Variants in PPP1R2 observed in about 807,000 individuals in gnomAD.
PPP1R2 encodes protein phosphatase inhibitor 2.
PPP1R2 carries 16 observed loss-of-function variants against 29.9 expected under a neutral mutation model. That is an observed-to-expected ratio of 0.53 (90% CI 0.36 to 0.81). The LOEUF is 0.81. PPP1R2 is among the 30% of genes least tolerant of loss of function. The probability of loss-of-function intolerance (pLI) is 0.00; values close to 1 mark genes in which losing one functional copy is unlikely to be tolerated. For missense variants in PPP1R2, 197 were observed against 252.7 expected (o/e 0.78, Z 1.49); for synonymous variants, 76 against 91.5 (o/e 0.83, Z 0.96).
chr3:195,523,836 T>C (rs1718861012), intron 3 of PPP1R2, 50 bp from the exon 4 acceptor site: 2 of 1,443,960 alleles, frequency 1.4e-6, no homozygotes, highest in South Asian at 1.2e-5. Context: ...TTTGATATTA[T>C]TTAAGCGCCT....
At chr3:195,542,234 C>T (rs1719624378) in intron 1 of PPP1R2, among the ~76,000 whole-genome samples, 1 of 152,130 alleles carries the variant, frequency 6.6e-6, no homozygotes, top group Non-Finnish European at 1.5e-5. Context: ...AATGGACTTC[C>T]GGTCGTTTCC....
chr3:195,532,508 C>T (rs1424310810), intron 1 of PPP1R2, among the ~76,000 whole-genome samples: 2 of 152,208 alleles, frequency 1.3e-5, no homozygotes, highest in African/African-American at 4.8e-5. Context: ...GATGCCTAGG[C>T]TTCTGCCTGT....
rs1163639477 is a variant in PPP1R2, at chr3:195,515,718, G to A, written c.*1178C>T. 1 of 151,914 alleles carries A rather than the reference G, an allele frequency of 6.6e-6. No individual in the cohort carries two copies. The highest frequency in any genetic ancestry group is 1.5e-5 in the Non-Finnish European group (1 of 67,956). The allele number at this position is 151,914 out of a possible 1,614,324, so 9.4% of individuals were successfully genotyped here. ...ACATTCAGGAATAATCATATCACTGGTTACATACAATTCTCATGCAAAGAA... is the reference window on the plus strand; with the variant it reads ...ACATTCAGGAATAATCATATCACTGATTACATACAATTCTCATGCAAAGAA... On this transcript the variant is annotated 3_prime_UTR_variant, in exon 6 of 6. Coordinates refer to ENST00000618156, the MANE Select transcript of PPP1R2 (RefSeq NM_006241.8).
At position 195,543,237 on chromosome 3, in the gene PPP1R2, G is replaced by C. The variant is rs1269238011; in HGVS notation, c.-212C>G. On this transcript the variant is annotated 5_prime_UTR_variant, in exon 1 of 6. Transcript: ENST00000618156. ...AACGCCGAACGGGTGGCGGCTACTC[G>C]CGCACCCTTAGCCACTGGCACTTGA... is the stretch of plus-strand genomic sequence containing the variant. The C allele has an allele frequency of 3.3e-5, 20 of 606,308 alleles. No homozygotes were observed. The highest frequency in any genetic ancestry group is 1.1e-4 in the Admixed American group (3 of 27,496). The allele number at this position is 606,308 out of a possible 1,614,324, so 37.6% of individuals were successfully genotyped here.
At chr3:195,518,615 C>T (rs1384692842) in intron 5 of PPP1R2, among the ~76,000 whole-genome samples, 2 of 150,616 alleles carry the variant, frequency 1.3e-5, no homozygotes, top group Admixed American at 1.3e-4. Flanking sequence ...CACGCCACTG[C>T]ACTCCAGCCT....
intron 4 of PPP1R2, among the ~76,000 whole-genome samples, chr3:195,522,936 T>A (rs1718821563): frequency 6.6e-6 from 1 of 152,210 alleles, no homozygotes; most frequent in Non-Finnish European, 1.5e-5. Context: ...CTTTCCCCTC[T>A]ACCCACAAGC....
At chr3:195,540,340 T>G (rs1197645812) in intron 1 of PPP1R2, among the ~76,000 whole-genome samples, 1 of 152,156 alleles carries the variant, frequency 6.6e-6, no homozygotes, top group Non-Finnish European at 1.5e-5. Flanking sequence ...CTTTCCTGCA[T>G]TTTTGTTGGT....
chr3:195,532,254 G>A (rs1180183700), intron 1 of PPP1R2, among the ~76,000 whole-genome samples: 2 of 111,882 alleles, frequency 1.8e-5, no homozygotes, highest in Non-Finnish European at 3.6e-5. Flanking sequence ...GTCTTGCTAT[G>A]TTGTCAGGCT....
intron 1 of PPP1R2, among the ~76,000 whole-genome samples, chr3:195,536,575 A>G (rs556772410): frequency 6.6e-6 from 1 of 151,910 alleles, no homozygotes. Flanking sequence ...GATCACCTGA[A>G]GTCAGGAGTT....
chr3:195,539,627 C>T (rs561965250), intron 1 of PPP1R2, among the ~76,000 whole-genome samples: 4 of 152,130 alleles, frequency 2.6e-5, no homozygotes, highest in African/African-American at 7.2e-5. Flanking sequence ...GGCTGCAGTG[C>T]GCTGTGATCG....
intron 1 of PPP1R2, among the ~76,000 whole-genome samples, chr3:195,532,099 T>C (rs777650125): frequency 6.6e-6 from 1 of 152,086 alleles, no homozygotes; most frequent in Non-Finnish European, 1.5e-5. Context: ...GGCATGATCA[T>C]AGTTCACTGC....
At chr3:195,532,958 A>C (rs1719243568) in intron 1 of PPP1R2, among the ~76,000 whole-genome samples, 1 of 152,224 alleles carries the variant, frequency 6.6e-6, no homozygotes, top group Non-Finnish European at 1.5e-5. Flanking sequence ...GTTGGATCAT[A>C]ACTGCATAAA....
chr3:195,541,303 T>C (rs928764720), intron 1 of PPP1R2, among the ~76,000 whole-genome samples: 1 of 152,154 alleles, frequency 6.6e-6, no homozygotes, highest in South Asian at 2.1e-4. Context: ...GTAACTCACT[T>C]GGTAAATGGA....
chr3:195,537,211 G>GTTT (rs869052088), intron 1 of PPP1R2, among the ~76,000 whole-genome samples: 1 of 50,000 alleles, frequency 2.0e-5, no homozygotes, highest in Non-Finnish European at 3.7e-5. Flanking sequence ...AGTTGCTTGT[G>GTTT]TTTTTTTACC....
chr3:195,538,525 A>AC (rs1381927286), intron 1 of PPP1R2, among the ~76,000 whole-genome samples: 122,419 of 152,144 alleles, frequency 0.8, 49,517 homozygotes, highest in East Asian at 0.99. Flanking sequence ...TAGAAAACAA[A>AC]TTTTTATTTT....
chr3:195,537,297 A>G (rs1560444597), intron 1 of PPP1R2, among the ~76,000 whole-genome samples: 1 of 152,204 alleles, frequency 6.6e-6, no homozygotes, highest in Non-Finnish European at 1.5e-5. Flanking sequence ...GGCAGACATG[A>G]ACATATTTGT....
intron 1 of PPP1R2, among the ~76,000 whole-genome samples, chr3:195,538,740 G>A (rs758448889): frequency 2.6e-4 from 39 of 152,080 alleles, no homozygotes; most frequent in Non-Finnish European, 4.4e-4. Context: ...TAAAAACCCC[G>A]CTGAGATATG....
At chr3:195,523,897 G>C (rs1393401204) in intron 3 of PPP1R2, 111 bp from the exon 4 acceptor site, 16 of 892,522 alleles carry the variant, frequency 1.8e-5, no homozygotes, top group Non-Finnish European at 2.5e-5. Flanking sequence ...TAATGTGCTA[G>C]CTATAACCTG....
At chr3:195,522,835 A>G (rs993493477) in intron 4 of PPP1R2, among the ~76,000 whole-genome samples, 2 of 152,218 alleles carry the variant, frequency 1.3e-5, no homozygotes, top group Admixed American at 1.3e-4. Context: ...TTCACGGTAC[A>G]GGAGGTAGTC....
Sources: allele counts gnomAD v4.1 joint callset (sites outside exome capture counted in the v4.1 genomes callset), GRCh38; gene constraint gnomAD v4.1.1; transcripts MANE v1.5; gene names NCBI Gene and HGNC (gene_info 2026-07-23, HGNC 2026-07-21).